Variants in TECTA observed in about 807,000 individuals in gnomAD.
The protein encoded by TECTA is alpha-tectorin.
Under a neutral mutation model 216.8 loss-of-function variants are expected in TECTA, and 128 were observed. That is an observed-to-expected ratio of 0.59 (90% CI 0.51 to 0.68). The LOEUF is 0.68. Ranked by LOEUF, TECTA falls within the 30% of genes least tolerant of loss-of-function variation. The pLI is 0.00. For synonymous variants in TECTA, 1,089 were observed against 1,117.1 expected (o/e 0.97, Z 0.50); for missense variants, 2,551 against 2,786.2 (o/e 0.92, Z 1.90).
chr11:121,190,076 A>AC, intron 23 of TECTA, 196 bp downstream of exon 23: 1 of 595,510 alleles, frequency 1.7e-6, no homozygotes, highest in Non-Finnish European at 3.0e-6. Flanking sequence ...AACAACAACA[A>AC]AAAAACCTTG....
intron 14 of TECTA, 64 bp from the exon 15 acceptor site, chr11:121,160,071 T>C: frequency 1.2e-6 from 2 of 1,609,742 alleles, no homozygotes; most frequent in Non-Finnish European, 1.7e-6. Flanking sequence ...CCTGGCCCTT[T>C]CCTGAACAAG....
intron 20 of TECTA, among the ~76,000 whole-genome samples, chr11:121,179,125 T>TACTAAA (rs1371016381): frequency 2.0e-5 from 3 of 152,130 alleles, no homozygotes; most frequent in Admixed American, 2.0e-4. Flanking sequence ...CTTCTACTAA[T>TACTAAA]TTTGGATTTA....
At position 121,190,943 on chromosome 11, in the gene TECTA, T is replaced by C. The variant is rs368846217; in HGVS notation, c.*137T>C. The C allele has an allele frequency of 8.6e-5, 60 of 697,170 alleles. No homozygotes were observed. Among genetic ancestry groups the C allele is most frequent in the Admixed American group, 5.4e-4 (25 of 46,658 alleles). The allele number at this position is 697,170 out of a possible 1,614,324, so 43.2% of individuals were successfully genotyped here. ...AAATGATGCCACCTGCCTCCAATGG[T>C]CCAAGGTCCAGAAACCAGCGACCAT... On this transcript the variant is annotated 3_prime_UTR_variant, in exon 24 of 24. Coordinates refer to ENST00000392793, the MANE Select transcript of TECTA (RefSeq NM_005422.4).
intron 7 of TECTA, among the ~76,000 whole-genome samples, chr11:121,124,549 C>G (rs1946588892): frequency 6.6e-6 from 1 of 152,226 alleles, no homozygotes; most frequent in Non-Finnish European, 1.5e-5. Flanking sequence ...TCATTTACTG[C>G]TCTCCCATTT....
intron 12 of TECTA, chr11:121,146,362 C>G: frequency 3.5e-6 from 2 of 564,856 alleles, no homozygotes; most frequent in Non-Finnish European, 6.3e-6. Context: ...GAAATAAGAT[C>G]ATGCATATAA....
intron 20 of TECTA, among the ~76,000 whole-genome samples, chr11:121,175,171 T>A (rs1458873981): frequency 6.6e-6 from 1 of 151,914 alleles, no homozygotes; most frequent in Non-Finnish European, 1.5e-5. Flanking sequence ...TTTTGAAGGG[T>A]TTTTTTGTGT....
At chr11:121,117,938 G>C (rs758841525) in intron 6 of TECTA, among the ~76,000 whole-genome samples, 8 of 152,176 alleles carry the variant, frequency 5.3e-5, no homozygotes, top group Non-Finnish European at 7.3e-5. Context: ...GTCTTCCTTC[G>C]GAAGGAAAGG....
intron 11 of TECTA, among the ~76,000 whole-genome samples, chr11:121,142,716 C>T (rs1211557196): frequency 6.6e-6 from 1 of 152,148 alleles, no homozygotes. Context: ...TCTCACTCCT[C>T]CTCTCACCCT....
intron 20 of TECTA, 126 bp from the exon 21 acceptor site, chr11:121,187,706 A>G (rs1371817078): frequency 1.9e-6 from 2 of 1,037,002 alleles, no homozygotes; most frequent in African/African-American, 3.2e-5. Context: ...GTCACTTTCA[A>G]ATGTAAAGGC....
At chr11:121,111,195 AT>A (rs1245420279) in intron 4 of TECTA, among the ~76,000 whole-genome samples, 1 of 152,224 alleles carries the variant, frequency 6.6e-6, no homozygotes, top group Non-Finnish European at 1.5e-5. Flanking sequence ...ATTTTTGCAT[AT>A]CATTTAACCC....
chr11:121,169,279 G>A (rs762977983), intron 20 of TECTA, among the ~76,000 whole-genome samples: 4 of 152,136 alleles, frequency 2.6e-5, no homozygotes, highest in African/African-American at 9.7e-5. Context: ...AGAATGTAAT[G>A]ACAATAACCA....
At chr11:121,161,532 TCCC>T (rs1946998048) in intron 15 of TECTA, among the ~76,000 whole-genome samples, 3 of 20,380 alleles carry the variant, frequency 1.5e-4, no homozygotes, top group African/African-American at 4.8e-4. Flanking sequence ...CCTCCCTCCT[TCCC>T]TCCCTCCTTC....
At chr11:121,132,296 C>A (rs1338239365) in intron 10 of TECTA, among the ~76,000 whole-genome samples, 1 of 152,200 alleles carries the variant, frequency 6.6e-6, no homozygotes, top group Non-Finnish European at 1.5e-5. Flanking sequence ...GTTTTATGCT[C>A]AAATTGTTCC....
Position 121,158,040 on chromosome 11 carries a change from T to TCCTGCGCTTC in TECTA, c.4508_4517dup (p.Asn1508LeufsTer46). 6.2e-7 allele frequency: 1 copy of TCCTGCGCTTC among 1,613,366 alleles called. No homozygotes were observed. The highest frequency in any genetic ancestry group is 8.5e-7 in the Non-Finnish European group (1 of 1,179,968). On this transcript the variant is annotated frameshift_variant, in exon 14 of 24. Transcript: ENST00000392793. LOFTEE classifies it high-confidence loss of function. ...GTCTTCCGCACCTTCGACGGCGCCT[T>TCCTGCGCTTC]CCTGCGCTTCCCAGCCAACTGCGCC...
chr11:121,190,602 A>C (rs1334864440), intron 23 of TECTA, 104 bp from the exon 24 acceptor site: 2 of 898,196 alleles, frequency 2.2e-6, no homozygotes, highest in South Asian at 1.4e-5. Flanking sequence ...GGTTCTTGGC[A>C]ATGAAGTTTC....
Position 121,125,660 on chromosome 11 carries a change from C to G in TECTA, c.1562C>G (p.Ser521Cys), listed in dbSNP as rs765483037. Residue 521 changes from serine (S) to cysteine (C), a missense_variant, in exon 8 of 24, where the codon TCT (serine) becomes TGT (cysteine). By Grantham distance (112) the Ser-to-Cys change is moderately radical (BLOSUM62 -1). Coordinates refer to ENST00000392793, the MANE Select transcript of TECTA (RefSeq NM_005422.4). The part of the protein sequence containing the change: ...DAATEALYFG[S>C]DYCGFLNKTD... ...GCCACTGAAGCCCTCTACTTTGGCT[C>G]TGACTACTGCGGCTTCCTCAACAAG... The G allele has an allele frequency of 1.2e-6, 2 of 1,610,896 alleles. No individual in the cohort carries two copies. The highest frequency in any genetic ancestry group is 1.7e-6 in the Non-Finnish European group (2 of 1,177,238).
chr11:121,139,596 CAG>C lies in TECTA; in HGVS notation c.3543+1578_3543+1579del, dbSNP rs747171723. Among the ~76,000 whole-genome samples the C allele has an allele frequency of 7.9e-5, 12 of 151,948 alleles. No homozygotes were observed. The Middle Eastern group carries it at 0.01, about 129-fold the overall frequency. ...ATCCCAGCTACTAGGGAGGCTGAGA[CAG>C]AGAATTGCTTGAACCCAGGAGGCGG... On this transcript the variant is annotated intron_variant, in intron 11 of 23. Coordinates refer to ENST00000392793, the MANE Select transcript of TECTA (RefSeq NM_005422.4).
intron 12 of TECTA, among the ~76,000 whole-genome samples, chr11:121,149,291 C>T (rs756519077): frequency 2.6e-5 from 4 of 152,170 alleles, no homozygotes; most frequent in African/African-American, 4.8e-5. Context: ...TGGTTGTCAT[C>T]GTCATTTTCC....
intron 20 of TECTA, among the ~76,000 whole-genome samples, chr11:121,187,562 T>C (rs1333549318): frequency 6.6e-6 from 1 of 152,184 alleles, no homozygotes; most frequent in Non-Finnish European, 1.5e-5. Flanking sequence ...GTGGGGAAAT[T>C]GAATGTGGTC....
Sources: allele counts gnomAD v4.1 joint callset (sites outside exome capture counted in the v4.1 genomes callset), GRCh38; gene constraint gnomAD v4.1.1; transcripts MANE v1.5; gene names NCBI Gene and HGNC (gene_info 2026-07-23, HGNC 2026-07-21).